Variants in RGR observed in about 807,000 individuals in gnomAD.
RGR encodes the protein RPE-retinal G protein-coupled receptor.
RGR carries 30 observed loss-of-function variants against 28.6 expected under a neutral mutation model. The ratio of observed to expected loss-of-function variants is 1.05; its 90% CI spans 0.78 to 1.42. The LOEUF (loss-of-function observed/expected upper bound fraction) is 1.42, where lower values mean the gene tolerates loss of function less well. Ranked by LOEUF, RGR falls within the 40% of genes most tolerant of loss-of-function variation. The probability of loss-of-function intolerance (pLI) is 0.00; values close to 1 mark genes in which losing one functional copy is unlikely to be tolerated. For synonymous variants in RGR, 180 were observed against 156.4 expected (o/e 1.15, Z -1.13); for missense variants, 404 against 375.6 (o/e 1.08, Z -0.62).
Position 84,258,985 on chromosome 10 carries a change from A to C in RGR, c.*346A>C. 2.8e-6 allele frequency: 1 copy of C among 356,968 alleles called. No homozygotes were observed. Among genetic ancestry groups the C allele is most frequent in the South Asian group, 2.3e-5 (1 of 43,804 alleles). 22.1% of individuals were successfully genotyped at this position (356,968 alleles called of 1,614,324 possible). A position where few individuals can be genotyped will look rare whatever the true frequency, so the allele number is the denominator to read the frequency against. ...TTAGTGTAACCATCACCCTAATAAT[A>C]TACGTTGTACCCATTAAGTTATTTC... On this transcript the variant is annotated 3_prime_UTR_variant, in exon 7 of 7. Coordinates refer to ENST00000652092, the MANE Select transcript of RGR (RefSeq NM_001012720.2).
chr10:84,247,637 C>A lies in RGR; in HGVS notation c.126C>A (p.Cys42Ter), dbSNP rs759964985. Residue 42 changes from cysteine to a stop codon, truncating the protein, a stop_gained, in exon 2 of 7, where the codon TGC becomes TGA. Coordinates refer to ENST00000652092, the MANE Select transcript of RGR (RefSeq NM_001012720.2). LOFTEE classifies it high-confidence loss of function. ...SLNTLTIFSF[C>*]KTPELRTPCH... ...ATACCCTGACCATCTTCTCTTTCTGCAAGACCCCGGAGCTGCGGACTCCCT... is the reference window on the plus strand; with the variant it reads ...ATACCCTGACCATCTTCTCTTTCTGAAAGACCCCGGAGCTGCGGACTCCCT... The A allele has an allele frequency of 6.2e-7, 1 of 1,614,206 alleles. No individual in the cohort carries two copies. The highest frequency in any genetic ancestry group is 8.5e-7 in the Non-Finnish European group (1 of 1,180,042).
At chr10:84,256,307 G>A (rs1392540970) in intron 5 of RGR, among the ~76,000 whole-genome samples, 1 of 151,944 alleles carries the variant, frequency 6.6e-6, no homozygotes, top group African/African-American at 2.4e-5. Context: ...ACCCACTTCA[G>A]CCTCCCAAAG....
At chr10:84,245,208 T>G in intron 1 of RGR, 39 bp downstream of exon 1, 1 of 1,600,474 alleles carries the variant, frequency 6.2e-7, no homozygotes, top group Non-Finnish European at 8.5e-7. Context: ...GGGGGCCCAG[T>G]GGGTTCTGAG....
intron 5 of RGR, 82 bp from the exon 6 acceptor site, chr10:84,257,811 G>GTGC (rs1842906022): frequency 8.4e-7 from 1 of 1,192,606 alleles, no homozygotes; most frequent in Admixed American, 1.7e-5. Context: ...GCCCTGCTGA[G>GTGC]TGCTGACCTG....
In RGR at chr10:84,252,974, G is replaced by T. The variant is rs1308203557; in HGVS notation, c.476G>T (p.Gly159Val). The change falls in exon 4 of 7, where the codon GGG becomes GTG. Residue 159 changes from glycine (G) to valine (V), a missense_variant. Coordinates refer to ENST00000652092, the MANE Select transcript of RGR (RefSeq NM_001012720.2). ...GWGHYDYEPL[G>V]TCCTLDYSKG... ...GGTCACTACGACTATGAGCCACTGG[G>T]GACATGCTGCACCCTGGACTACTCC... 3 of 1,614,010 alleles carry T rather than the reference G, an allele frequency of 1.9e-6. No individual in the cohort carries two copies. The highest frequency in any genetic ancestry group is 1.7e-5 in the Admixed American group (1 of 60,022).
At chr10:84,257,573 T>C (rs1224589163) in intron 5 of RGR, among the ~76,000 whole-genome samples, 1 of 152,186 alleles carries the variant, frequency 6.6e-6, no homozygotes, top group Non-Finnish European at 1.5e-5. Flanking sequence ...CTTCTGTATT[T>C]GACAAACAAA....
intron 4 of RGR, among the ~76,000 whole-genome samples, chr10:84,253,861 A>G (rs1842849823): frequency 1.3e-5 from 2 of 152,120 alleles, no homozygotes; most frequent in Non-Finnish European, 2.9e-5. Context: ...TGGGACTCCC[A>G]CTATTCCCTT....
At chr10:84,248,722 C>A in intron 2 of RGR, 200 bp from the exon 3 acceptor site, 1 of 841,796 alleles carries the variant, frequency 1.2e-6, no homozygotes, top group Non-Finnish European at 1.9e-6. Context: ...AGTCACCCAG[C>A]CTGGAGAGTG....
At chr10:84,258,441 C>A (rs1842914638) in intron 6 of RGR, 67 bp from the exon 7 acceptor site, 12 of 1,612,968 alleles carry the variant, frequency 7.4e-6, no homozygotes, top group Non-Finnish European at 1.0e-5. Flanking sequence ...ACCGGGGTCA[C>A]CAGGTGAGAC....
chr10:84,246,722 G>T lies in RGR; in HGVS notation c.80-869G>T, dbSNP rs573120713. On this transcript the variant is annotated intron_variant, in intron 1 of 6. Coordinates refer to ENST00000652092, the MANE Select transcript of RGR (RefSeq NM_001012720.2). ...ATGTGTGTTTTTGGCTGGATTAAAT[G>T]GCAGATCTACTTTTAGTTATTTAAG... is the stretch of plus-strand genomic sequence containing the variant. Among the ~76,000 whole-genome samples, 21 of 152,266 alleles carry T rather than the reference G, an allele frequency of 1.4e-4. No homozygotes were observed. The South Asian group carries it at 3.9e-3, about 29-fold the overall frequency.
intron 3 of RGR, among the ~76,000 whole-genome samples, chr10:84,252,628 C>T (rs754600625): frequency 1.4e-4 from 22 of 152,154 alleles, no homozygotes; most frequent in Non-Finnish European, 1.9e-4. Context: ...TGGTGAGTTG[C>T]TTAGTTAACC....
At chr10:84,254,477 T>C (rs900467831) in intron 5 of RGR, 34 bp downstream of exon 5, 1 of 1,546,072 alleles carries the variant, frequency 6.5e-7, no homozygotes, top group Non-Finnish European at 8.9e-7. Context: ...TATCTGATGG[T>C]GCAGCGCAGC....
chr10:84,251,851 A>T (rs1260153420), intron 3 of RGR, among the ~76,000 whole-genome samples: 2 of 152,166 alleles, frequency 1.3e-5, no homozygotes, highest in Non-Finnish European at 2.9e-5. Context: ...GGACACAAAC[A>T]TTCAGTTCAT....
chr10:84,255,557 T>C (rs1357571638), intron 5 of RGR: 1 of 152,232 alleles, frequency 6.6e-6, no homozygotes, highest in East Asian at 1.9e-4. Flanking sequence ...CTGGCCATTT[T>C]TTAGTTTCTG....
intron 6 of RGR, 38 bp downstream of exon 6, chr10:84,258,044 C>G: frequency 6.5e-7 from 1 of 1,526,854 alleles, no homozygotes; most frequent in Non-Finnish European, 9.1e-7. Context: ...AGACCCCTCT[C>G]CATCTTTGTT....
chr10:84,258,042 C>T (rs559483009), intron 6 of RGR, 36 bp downstream of exon 6: 2 of 1,541,318 alleles, frequency 1.3e-6, no homozygotes, highest in Admixed American at 1.7e-5. Flanking sequence ...CTAGACCCCT[C>T]TCCATCTTTG....
chr10:84,252,100 C>A (rs1217900229), intron 3 of RGR, among the ~76,000 whole-genome samples: 2 of 152,156 alleles, frequency 1.3e-5, no homozygotes, highest in African/African-American at 4.8e-5. Flanking sequence ...TGGGAAGGAC[C>A]CAATGACACT....
At chr10:84,253,044 C>T in intron 4 of RGR, 34 bp downstream of exon 4, 1 of 1,606,322 alleles carries the variant, frequency 6.2e-7, no homozygotes, top group Non-Finnish European at 8.5e-7. Flanking sequence ...AGGCTCCTAT[C>T]CATGGGAATC....
chr10:84,248,753 C>A, intron 2 of RGR, 169 bp from the exon 3 acceptor site: 1 of 1,208,042 alleles, frequency 8.3e-7, no homozygotes. Context: ...TCCACCCCTT[C>A]AGCCCAGTTA....
Sources: allele counts gnomAD v4.1 joint callset (sites outside exome capture counted in the v4.1 genomes callset), GRCh38; gene constraint gnomAD v4.1.1; transcripts MANE v1.5; gene names NCBI Gene and HGNC (gene_info 2026-07-23, HGNC 2026-07-21).